TRIM22: variants seen among roughly 807,000 people sequenced by gnomAD.
TRIM22 encodes E3 ubiquitin-protein ligase TRIM22.
In TRIM22, 45 loss-of-function variants were observed where a neutral mutation model predicts 53.6. That is an observed-to-expected ratio of 0.84 (90% CI 0.66 to 1.08). The LOEUF (loss-of-function observed/expected upper bound fraction) is 1.08. Among genes scored for constraint, TRIM22 ranks in the 50% least tolerant of loss-of-function variants. TRIM22 has a pLI of 0.00. For synonymous variants in TRIM22, 225 were observed against 216.6 expected, an observed-to-expected ratio of 1.04 and a Z score of -0.34; for missense variants, 616 against 590.9, an observed-to-expected ratio of 1.04 and a Z score of -0.44.
chr11:5,705,308 C>G (rs1404306777), intron 4 of TRIM22, among the ~76,000 whole-genome samples: 1 of 151,940 alleles, frequency 6.6e-6, no homozygotes, highest in Non-Finnish European at 1.5e-5. Flanking sequence ...TAATTTAAAC[C>G]AGGAGAGTCA....
At chr11:5,708,781 G>C (rs1053916097) in intron 7 of TRIM22, among the ~76,000 whole-genome samples, 178 bp downstream of exon 7, 4 of 150,418 alleles carry the variant, frequency 2.7e-5, no homozygotes, top group Non-Finnish European at 5.9e-5. Context: ...CAATGGCGCG[G>C]TCTCGGCTCA....
intron 2 of TRIM22, 112 bp downstream of exon 2, chr11:5,696,767 C>G: frequency 8.8e-7 from 1 of 1,134,362 alleles, no homozygotes; most frequent in Non-Finnish European, 1.2e-6. Context: ...GAACGGAGAG[C>G]CCTGTGATCT....
chr11:5,704,145 A>G (rs1020780698), intron 4 of TRIM22, among the ~76,000 whole-genome samples: 1 of 152,230 alleles, frequency 6.6e-6, no homozygotes, highest in Non-Finnish European at 1.5e-5. Context: ...TGCTGGGTAT[A>G]TACCCAAAGG....
intron 3 of TRIM22, 68 bp downstream of exon 3, chr11:5,697,411 A>T: frequency 9.0e-7 from 1 of 1,115,298 alleles, no homozygotes; most frequent in Non-Finnish European, 1.3e-6. Context: ...CTCTATCACA[A>T]GGAGACCCCT....
intron 4 of TRIM22, among the ~76,000 whole-genome samples, chr11:5,701,972 G>T (rs577389127): frequency 6.2e-4 from 93 of 150,240 alleles, no homozygotes; most frequent in African/African-American, 2.3e-3. Flanking sequence ...CTCTTTTTCT[G>T]CCCTCTTTTA....
rs980684365 is a variant in TRIM22 at position 5,709,845 on chromosome 11, C to T, written c.*197C>T. On this transcript the variant is annotated 3_prime_UTR_variant, in exon 8 of 8. Coordinates refer to ENST00000379965, the MANE Select transcript of TRIM22 (RefSeq NM_006074.5). ...CTGATTTAAACTGTAATTGTATTGC[C>T]GTACTGTGGGCTGGAAATCCCAAAT... 8.7e-6 allele frequency: 5 copies of T among 574,848 alleles called. No homozygotes were observed. Among genetic ancestry groups the T allele is most frequent in the Admixed American group, 3.2e-5 (1 of 30,856 alleles). 35.6% of individuals were successfully genotyped at this position (574,848 alleles called of 1,614,324 possible).
rs1180759833 is a variant in TRIM22, at chr11:5,709,245, T to C, written c.1094T>C (p.Ile365Thr). The C allele has an allele frequency of 3.7e-6, 6 of 1,614,092 alleles. No individual in the cohort carries two copies. The highest frequency in any genetic ancestry group is 2.7e-5 in the African/African-American group (2 of 74,930). The change falls in exon 8 of 8, where the codon ATT (isoleucine) becomes ACT (threonine). Residue 365 changes from isoleucine to threonine, a missense_variant. Physicochemically the swap from Ile to Thr is moderately conservative, Grantham distance 89. Transcript: ENST00000379965. The stretch of plus-strand genomic sequence containing the variant: ...TGGGAAGTAGATGTGTCTGGAAAGA[T>C]TGCCTGGATCCTGGGCGTACACAGT... The part of the protein sequence containing the change: ...YYWEVDVSGK[I>T]AWILGVHSKI...
At chr11:5,701,190 C>G (rs1457975103) in intron 4 of TRIM22, among the ~76,000 whole-genome samples, 1 of 152,096 alleles carries the variant, frequency 6.6e-6, no homozygotes, top group East Asian at 1.9e-4. Context: ...TTACTTGGCT[C>G]TGGATTAGGG....
At chr11:5,697,699 T>TTTTG (rs71053297) in intron 3 of TRIM22, 90,444 of 188,032 alleles carry the variant, frequency 0.48, 24,135 homozygotes, top group Non-Finnish European at 0.53. Context: ...AGGGGGATTT[T>TTTTG]TTTGTTTGTT....
In TRIM22 at chr11:5,706,609, A is replaced by G. The variant is rs1043067415; in HGVS notation, c.766A>G (p.Met256Val). Residue 256 changes from methionine to valine, a missense_variant, in exon 5 of 8, where the codon ATG (methionine) becomes GTG (valine). Physicochemically the swap from Met to Val is conservative, Grantham distance 21. Transcript: ENST00000379965. ...TTTTCCCCAGGATGTGATTGACGTC[A>G]TGAAAAGGTATATGTGGAAGAGAGA... ...VEMLQDVIDV[M>V]KRSESWTLKK... 1.2e-6 allele frequency: 2 copies of G among 1,612,608 alleles called. No homozygotes were observed. The highest frequency in any genetic ancestry group is 2.2e-5 in the East Asian group (1 of 44,818).
At chr11:5,694,193 G>A (rs1303836035) in intron 1 of TRIM22, among the ~76,000 whole-genome samples, 1 of 152,184 alleles carries the variant, frequency 6.6e-6, no homozygotes, top group African/African-American at 2.4e-5. Context: ...GGGAGAAACA[G>A]GACAGACTTT....
At chr11:5,699,358 A>C (rs1373976479) in intron 4 of TRIM22, among the ~76,000 whole-genome samples, 1 of 142,596 alleles carries the variant, frequency 7.0e-6, no homozygotes, top group Non-Finnish European at 1.5e-5. Flanking sequence ...CCCCGTCTCT[A>C]CTAAAAATAC....
chr11:5,693,595 C>T (rs1480618726), intron 1 of TRIM22, among the ~76,000 whole-genome samples: 9 of 151,460 alleles, frequency 5.9e-5, no homozygotes, highest in Admixed American at 4.6e-4. Context: ...TGGTGGCGGG[C>T]GCCTGTAGTC....
At chr11:5,700,584 CTT>C (rs756680023) in intron 4 of TRIM22, among the ~76,000 whole-genome samples, 1,039 of 29,878 alleles carry the variant, frequency 0.035, 13 homozygotes, top group African/African-American at 0.12. Flanking sequence ...CTATAGGAGT[CTT>C]TTTTTTTTTT....
chr11:5,691,698 C>A (rs926621645), intron 1 of TRIM22, among the ~76,000 whole-genome samples: 1 of 152,188 alleles, frequency 6.6e-6, no homozygotes, highest in Non-Finnish European at 1.5e-5. Flanking sequence ...ACTCCCTACT[C>A]AATTTTCCCT....
rs566813439 is a variant in TRIM22 at position 5,710,452 on chromosome 11, T to C, written c.*804T>C. Reference sequence around the variant, plus strand: ...TAAGAATCTATCACTAAGTAATGTATCCTTCAGAATGTGTTGGTTTACCAG... The same window carrying C: ...TAAGAATCTATCACTAAGTAATGTACCCTTCAGAATGTGTTGGTTTACCAG... On this transcript the variant is annotated 3_prime_UTR_variant, in exon 8 of 8. Transcript: ENST00000379965. 2.6e-5 allele frequency: 4 copies of C among 152,200 alleles called. No individual in the cohort carries two copies. The highest frequency in any genetic ancestry group is 1.3e-4 in the Admixed American group (2 of 15,274). The allele number at this position is 152,200 out of a possible 1,614,324, so 9.4% of individuals were successfully genotyped here. A position where few individuals can be genotyped will look rare whatever the true frequency, so the allele number is the denominator to read the frequency against.
intron 3 of TRIM22, 139 bp downstream of exon 3, chr11:5,697,482 C>T (rs7936676): frequency 0.53 from 309,459 of 583,938 alleles, 85,396 homozygotes; most frequent in Non-Finnish European, 0.58. Flanking sequence ...CTCAATTTAA[C>T]TCCTTCCCTG....
At chr11:5,696,912 T>G (rs1401943927) in intron 2 of TRIM22, 2 of 528,532 alleles carry the variant, frequency 3.8e-6, no homozygotes, top group South Asian at 5.8e-5. Flanking sequence ...AAGCTTTCAT[T>G]GCCCCTCCAA....
intron 3 of TRIM22, 192 bp downstream of exon 3, chr11:5,697,535 A>C (rs1379141945): frequency 4.1e-6 from 2 of 483,054 alleles, no homozygotes; most frequent in Non-Finnish European, 7.3e-6. Context: ...ATAAATCAAC[A>C]CTATATTTGG....
Sources: allele counts gnomAD v4.1 joint callset (sites outside exome capture counted in the v4.1 genomes callset), GRCh38; gene constraint gnomAD v4.1.1; transcripts MANE v1.5; gene names NCBI Gene and HGNC (gene_info 2026-07-23, HGNC 2026-07-21).